The following OCLN variants were observed in gnomAD, a reference collection of about 807,000 sequenced individuals.
OCLN encodes the protein occludin.
OCLN carries 21 observed loss-of-function variants against 47.9 expected under a neutral mutation model. The observed-to-expected ratio is 0.44, with a 90% CI of 0.31 to 0.63. The LOEUF (loss-of-function observed/expected upper bound fraction) is 0.63, where lower values mean the gene tolerates loss of function less well. Among genes scored for constraint, OCLN ranks in the 30% least tolerant of loss-of-function variants. The pLI is 0.08. For missense variants in OCLN, 360 were observed against 571.0 expected (o/e 0.63, Z 3.77); for synonymous variants, 117 against 198.4 (o/e 0.59, Z 3.45).
At chr5:69,504,633 G>T (rs779899422) in intron 2 of OCLN, among the ~76,000 whole-genome samples, 1 of 152,162 alleles carries the variant, frequency 6.6e-6, no homozygotes, top group Non-Finnish European at 1.5e-5. Context: ...CATATTGTCA[G>T]TTTTTAAAAA....
At chr5:69,497,172 G>A (rs746199813) in intron 1 of OCLN, among the ~76,000 whole-genome samples, 2 of 152,060 alleles carry the variant, frequency 1.3e-5, no homozygotes, top group Non-Finnish European at 2.9e-5. Flanking sequence ...TTTCGGAGAG[G>A]GTGTGGGGTC....
At chr5:69,515,291 C>G (rs565517176) in intron 4 of OCLN, among the ~76,000 whole-genome samples, 2 of 133,192 alleles carry the variant, frequency 1.5e-5, no homozygotes, top group Admixed American at 7.3e-5. Context: ...CTGACCCCCC[C>G]ACCTCCTTCC....
intron 3 of OCLN, among the ~76,000 whole-genome samples, chr5:69,510,529 A>G (rs2111978965): frequency 6.6e-6 from 1 of 152,128 alleles, no homozygotes; most frequent in African/African-American, 2.4e-5. Context: ...AAAATACAAA[A>G]AAAATTAGCT....
Position 69,555,259 on chromosome 5 carries a change from G to GTC in OCLN, c.*1589_*1590insCT, listed in dbSNP as rs1251381956. On this transcript the variant is annotated 3_prime_UTR_variant, in exon 9 of 9. Transcript: ENST00000396442. ...TAAGTGTGTGTGTGTGTGTGTGTGTGTATTTTTTTTTTTTTTTTTTTGAGA... is the reference window on the plus strand; with the variant it reads ...TAAGTGTGTGTGTGTGTGTGTGTGTGTCTATTTTTTTTTTTTTTTTTTTGAGA... 1.5e-5 allele frequency: 1 copy of GTC among 66,346 alleles called. No homozygotes were observed. The highest frequency in any genetic ancestry group is 1.6e-4 in the Admixed American group (1 of 6,110). The allele number at this position is 66,346 out of a possible 1,614,324, so 4.1% of individuals were successfully genotyped here. A position where few individuals can be genotyped will look rare whatever the true frequency, so the allele number is the denominator to read the frequency against.
intron 4 of OCLN, among the ~76,000 whole-genome samples, chr5:69,524,620 A>T (rs1039549896): frequency 3.3e-5 from 5 of 152,226 alleles, no homozygotes; most frequent in Non-Finnish European, 4.4e-5. Context: ...ACAGCAGTTT[A>T]TCCAGTTTCC....
At chr5:69,504,671 T>C (rs1402019186) in intron 2 of OCLN, among the ~76,000 whole-genome samples, 1 of 152,240 alleles carries the variant, frequency 6.6e-6, no homozygotes. Flanking sequence ...GTGCGGTGGC[T>C]CACGCCTGTA....
chr5:69,518,523 C>T (rs1033397165), intron 4 of OCLN, among the ~76,000 whole-genome samples: 2 of 152,136 alleles, frequency 1.3e-5, no homozygotes, highest in African/African-American at 2.4e-5. Flanking sequence ...GTTCATGTCG[C>T]GGAATTCAAT....
At chr5:69,521,961 T>C (rs907303099) in intron 4 of OCLN, among the ~76,000 whole-genome samples, 1 of 152,216 alleles carries the variant, frequency 6.6e-6, no homozygotes, top group African/African-American at 2.4e-5. Context: ...TGATGATAAC[T>C]TCTCCCACAT....
chr5:69,515,862 T>G (rs1210223654), intron 4 of OCLN, among the ~76,000 whole-genome samples: 1 of 131,738 alleles, frequency 7.6e-6, no homozygotes, highest in African/African-American at 3.0e-5. Context: ...CCAGACGGGG[T>G]GGCGGGGCAG....
chr5:69,507,110 A>G (rs1294661308), intron 2 of OCLN, among the ~76,000 whole-genome samples: 2 of 152,168 alleles, frequency 1.3e-5, no homozygotes, highest in African/African-American at 4.8e-5. Context: ...TGTATATCCT[A>G]AACATTTCAG....
At chr5:69,527,622 T>C (rs1166746072) in intron 4 of OCLN, among the ~76,000 whole-genome samples, 1 of 152,214 alleles carries the variant, frequency 6.6e-6, no homozygotes, top group East Asian at 1.9e-4. Flanking sequence ...GAACATAGTG[T>C]ATGGTTAGGA....
chr5:69,504,845 C>A (rs543664903), intron 2 of OCLN, among the ~76,000 whole-genome samples: 14 of 152,116 alleles, frequency 9.2e-5, no homozygotes, highest in Non-Finnish European at 1.9e-4. Context: ...ATCCCAGCTA[C>A]TTGGGAGGCT....
intron 4 of OCLN, among the ~76,000 whole-genome samples, chr5:69,533,685 C>T (rs577272248): frequency 5.8e-4 from 89 of 152,226 alleles, no homozygotes; most frequent in Non-Finnish European, 1.1e-3. Flanking sequence ...GACACAGTCT[C>T]GCTGTTGGCC....
chr5:69,498,027 G>A (rs1444121622), intron 1 of OCLN, among the ~76,000 whole-genome samples: 1 of 151,588 alleles, frequency 6.6e-6, no homozygotes, highest in Non-Finnish European at 1.5e-5. Context: ...AGCTACTTGG[G>A]AGGCTGAGGC....
intron 4 of OCLN, among the ~76,000 whole-genome samples, chr5:69,533,218 C>T (rs956793017): frequency 6.6e-6 from 1 of 151,616 alleles, no homozygotes; most frequent in East Asian, 1.9e-4. Flanking sequence ...TGTGGTAAGC[C>T]TTCCATGTTA....
At chr5:69,536,917 G>A (rs1431311911) in intron 5 of OCLN, among the ~76,000 whole-genome samples, 4 of 150,822 alleles carry the variant, frequency 2.7e-5, no homozygotes, top group Admixed American at 6.6e-5. Flanking sequence ...CCAGTGAGCC[G>A]AGATCGCGCC....
At chr5:69,514,469 C>CAGAAACCA (rs1412421230) in intron 4 of OCLN, among the ~76,000 whole-genome samples, 1 of 151,952 alleles carries the variant, frequency 6.6e-6, no homozygotes, top group African/African-American at 2.4e-5. Context: ...GCCAAAGGTG[C>CAGAAACCA]TCTCGTGGGT....
In OCLN at chr5:69,514,074, A is replaced by G. The variant is rs1338874490; in HGVS notation, c.856A>G (p.Ile286Val). 1.9e-6 allele frequency: 3 copies of G among 1,614,076 alleles called. No homozygotes were observed. The highest frequency in any genetic ancestry group is 2.7e-5 in the African/African-American group (2 of 74,944). ...CAATATTTTGTGGGACAAGGAACAC[A>G]TTTATGATGAGCAGCCCCCCAATGT... ...KSNILWDKEH[I>V]YDEQPPNVEE... The change falls in exon 4 of 9, where the codon ATT (isoleucine) becomes GTT (valine). Residue 286 changes from isoleucine to valine, a missense_variant. Around this residue, in one of 3 missense-constraint regions of OCLN, gnomAD observed 314 missense variants for 368.1 expected, o/e 0.85. Transcript: ENST00000396442.
intron 4 of OCLN, among the ~76,000 whole-genome samples, chr5:69,516,636 A>G (rs1580565035): frequency 6.6e-6 from 1 of 152,364 alleles, no homozygotes; most frequent in East Asian, 1.9e-4. Flanking sequence ...GACAGATTAG[A>G]AAAATTTCCT....
Sources: gnomAD v4.1 joint callset for allele counts (sites outside exome capture counted in the v4.1 genomes callset) on GRCh38, gnomAD v4.1.1 for gene constraint, gnomAD v4.1.1 regional missense constraint, MANE v1.5 for transcripts, NCBI Gene and HGNC (gene_info 2026-07-23, HGNC 2026-07-21) for gene names.